Variants in ZNF519 observed in about 807,000 individuals in gnomAD.
ZNF519 encodes the protein similar to Zinc finger protein 85 (Zinc finger protein HPF4) (HTF1).
Under a neutral mutation model 7.4 loss-of-function variants are expected in ZNF519, and 7 were observed. The observed-to-expected ratio is 0.94, with a 90% CI of 0.54 to 1.77. The LOEUF is 1.77. Ranked by LOEUF, ZNF519 falls within the 40% of genes most tolerant of loss-of-function variation. The pLI, the probability that ZNF519 is intolerant of heterozygous loss-of-function variation, is 0.00. For synonymous variants in ZNF519, 179 were observed against 203.3 expected (o/e 0.88, Z 1.02); for missense variants, 586 against 623.1 (o/e 0.94, Z 0.63).
chr18:14,100,751 T>C lies in ZNF519; in HGVS notation c.*4166A>G, dbSNP rs1304994654. ...CTTCTGGTAGGTGAACCTACACATGTAATAAAATTGCACAGAACACACACA... is the reference window on the plus strand; with the variant it reads ...CTTCTGGTAGGTGAACCTACACATGCAATAAAATTGCACAGAACACACACA... On this transcript the variant is annotated 3_prime_UTR_variant, in exon 3 of 3. Transcript: ENST00000590202. The C allele has an allele frequency of 1.3e-5, 2 of 152,148 alleles. No individual in the cohort carries two copies. Among genetic ancestry groups the C allele is most frequent in the African/African-American group, 4.8e-5 (2 of 41,416 alleles). 9.4% of individuals were successfully genotyped at this position (152,148 alleles called of 1,614,324 possible).
At chr18:14,129,746 A>G (rs550545145) in intron 1 of ZNF519, among the ~76,000 whole-genome samples, 1 of 152,296 alleles carries the variant, frequency 6.6e-6, no homozygotes, top group Non-Finnish European at 1.5e-5. Context: ...CACTGTCCTC[A>G]CTGCCGATGC....
At chr18:14,082,612 A>G (rs1379834416) in intron 3 of ZNF519, 1 of 152,094 alleles carries the variant, frequency 6.6e-6, no homozygotes. Flanking sequence ...ACAAATATAT[A>G]TATGGTAATG....
chr18:14,104,986 A>G lies in ZNF519; in HGVS notation c.1554T>C (p.Cys518=), dbSNP rs770158491. The change falls in exon 3 of 3, where the codon TGT becomes TGC. Residue 518 remains cysteine, a synonymous_variant. Transcript: ENST00000590202. ...RIHTGEKPFK[C]KECGKAFNRR... ...TGTTAAAAGCTTTGCCACATTCTTTACATTTGAAAGGTTTCTCTCCAGTAT... is the reference window on the plus strand; with the variant it reads ...TGTTAAAAGCTTTGCCACATTCTTTGCATTTGAAAGGTTTCTCTCCAGTAT... The G allele has an allele frequency of 7.5e-5, 120 of 1,595,712 alleles. No homozygotes were observed. Among genetic ancestry groups the G allele is most frequent in the Non-Finnish European group, 9.5e-5 (111 of 1,170,766 alleles).
chr18:14,115,479 C>T (rs978873874), intron 2 of ZNF519, among the ~76,000 whole-genome samples: 3 of 152,040 alleles, frequency 2.0e-5, no homozygotes, highest in African/African-American at 7.3e-5. Flanking sequence ...AGGCATACAC[C>T]CTGATTTTAA....
downstream of ZNF519, chr18:14,071,174 T>C (rs887827707): frequency 3.3e-5 from 5 of 151,822 alleles, no homozygotes; most frequent in African/African-American, 9.7e-5. Context: ...CCAAAAATAA[T>C]TGGTGATCCA....
intron 2 of ZNF519, chr18:14,123,064 G>T: frequency 5.7e-6 from 1 of 174,050 alleles, no homozygotes; most frequent in South Asian, 1.5e-4. Context: ...CTTCCTTCTT[G>T]ACCTTTGGTC....
At chr18:14,123,233 A>T (rs1256164397) in intron 2 of ZNF519, 1 of 184,830 alleles carries the variant, frequency 5.4e-6, no homozygotes, top group African/African-American at 2.4e-5. Flanking sequence ...AAAAAAAAAA[A>T]AAAAATCAAC....
At chr18:14,124,235 A>C (rs1475987453) in intron 2 of ZNF519, 115 bp downstream of exon 2, 4 of 1,023,446 alleles carry the variant, frequency 3.9e-6, no homozygotes, top group Non-Finnish European at 5.4e-6. Flanking sequence ...TTTTTCTTGA[A>C]GAAAAGAACT....
In ZNF519 at chr18:14,104,005, T is replaced by C. The variant is rs2046174808; in HGVS notation, c.*912A>G. 6.6e-6 allele frequency: 1 copy of C among 152,176 alleles called. No homozygotes were observed. Among genetic ancestry groups the C allele is most frequent in the African/African-American group, 2.4e-5 (1 of 41,458 alleles). The allele number at this position is 152,176 out of a possible 1,614,324, so 9.4% of individuals were successfully genotyped here. ...AAAAAGCATTCTTATTCTGATACCATGACCTATGTTAAAAAAATGTGTTCT... is the reference window on the plus strand; with the variant it reads ...AAAAAGCATTCTTATTCTGATACCACGACCTATGTTAAAAAAATGTGTTCT... On this transcript the variant is annotated 3_prime_UTR_variant, in exon 3 of 3. Transcript: ENST00000590202.
Position 14,105,001 on chromosome 18 carries a change from C to T in ZNF519, c.1539G>A (p.Glu513=). 6.2e-7 allele frequency: 1 copy of T among 1,600,998 alleles called. No homozygotes were observed. Among genetic ancestry groups the T allele is most frequent in the Non-Finnish European group, 8.5e-7 (1 of 1,172,882 alleles). ...CACATTCTTTACATTTGAAAGGTTT[C>T]TCTCCAGTATGAATTCTCTGATGTT... ...LTQHQRIHTG[E]KPFKCKECGK... The change falls in exon 3 of 3, where the codon GAG becomes GAA. Residue 513 remains glutamate (E), a synonymous_variant. Coordinates refer to ENST00000590202, the MANE Select transcript of ZNF519 (RefSeq NM_145287.4).
intron 2 of ZNF519, among the ~76,000 whole-genome samples, chr18:14,111,802 G>A (rs1479878197): frequency 6.6e-6 from 1 of 152,134 alleles, no homozygotes; most frequent in Middle Eastern, 3.2e-3. Flanking sequence ...TCCTATGAGA[G>A]AAAAGCCTGA....
chr18:14,083,745 TG>T (rs1040595666), intron 3 of ZNF519, among the ~76,000 whole-genome samples: 11 of 152,318 alleles, frequency 7.2e-5, no homozygotes, highest in Admixed American at 2.6e-4. Context: ...AGAATCACAC[TG>T]ATTCAGTTGG....
intron 2 of ZNF519, among the ~76,000 whole-genome samples, chr18:14,113,651 C>G (rs2046232745): frequency 6.6e-6 from 1 of 151,516 alleles, no homozygotes; most frequent in South Asian, 2.1e-4. Flanking sequence ...CCCTTGTGTA[C>G]ATACCTAGGA....
At chr18:14,090,641 TTCGACTCCA>T (rs2046110660) in intron 2 of ZNF519, 1 of 152,316 alleles carries the variant, frequency 6.6e-6, no homozygotes, top group Non-Finnish European at 1.5e-5. Flanking sequence ...ATTCACTCAC[TTCGACTCCA>T]TCTGAGGGTC....
intron 2 of ZNF519, chr18:14,123,115 TG>T (rs949918310): frequency 6.4e-5 from 14 of 219,952 alleles, no homozygotes; most frequent in Non-Finnish European, 1.1e-4. Flanking sequence ...CTCACTTACT[TG>T]GGGGTTTGGC....
At chr18:14,089,721 C>T (rs61664477) in intron 2 of ZNF519, among the ~76,000 whole-genome samples, 41,363 of 151,930 alleles carry the variant, frequency 0.27, 6,443 homozygotes, top group East Asian at 0.74. Flanking sequence ...AACTCTGTAA[C>T]GTGCACATTT....
At chr18:14,077,834 G>A (rs186269656) in intron 4 of ZNF519, among the ~76,000 whole-genome samples, 31 of 152,230 alleles carry the variant, frequency 2.0e-4, no homozygotes, top group Admixed American at 7.8e-4. Flanking sequence ...AAATTCCTGA[G>A]CCAAACTATT....
Position 14,104,536 on chromosome 18 carries a change from G to GA in ZNF519, c.*380dup, listed in dbSNP as rs1330181492. 3.1e-5 allele frequency: 5 copies of GA among 160,996 alleles called. No homozygotes were observed. In the South Asian group the frequency reaches 5.9e-4, roughly 19 times the overall value. 10.0% of individuals were successfully genotyped at this position (160,996 alleles called of 1,614,324 possible). On this transcript the variant is annotated 3_prime_UTR_variant, in exon 3 of 3. Coordinates refer to ENST00000590202, the MANE Select transcript of ZNF519 (RefSeq NM_145287.4). ...GACAGCAATAATCAACCACAGTGGG[G>GA]AAAAAAAAGGTTAATTTGAATTTAA...
rs533554613 is a variant in ZNF519 at position 14,103,170 on chromosome 18, A to T, written c.*1747T>A. The T allele has an allele frequency of 2.0e-5, 3 of 152,254 alleles. No individual in the cohort carries two copies. The East Asian group carries it at 5.8e-4, about 29-fold the overall frequency. 9.4% of individuals were successfully genotyped at this position (152,254 alleles called of 1,614,324 possible). A position where few individuals can be genotyped will look rare whatever the true frequency, so the allele number is the denominator to read the frequency against. On this transcript the variant is annotated 3_prime_UTR_variant, in exon 3 of 3. Coordinates refer to ENST00000590202, the MANE Select transcript of ZNF519 (RefSeq NM_145287.4). ...GGGCAGAAAAAGTGGGAAGATCAAC[A>T]GGAAAACATAACACTTGAACACTGT... is the stretch of plus-strand genomic sequence containing the variant.
Sources: allele counts gnomAD v4.1 joint callset (sites outside exome capture counted in the v4.1 genomes callset), GRCh38; gene constraint gnomAD v4.1.1; transcripts MANE v1.5; gene names NCBI Gene and HGNC (gene_info 2026-07-23, HGNC 2026-07-21).